Variants in JAKMIP2 observed in about 807,000 individuals in gnomAD.
JAKMIP2 encodes janus kinase and microtubule interacting protein 2, also known as janus kinase and microtubule-interacting protein 2.
Under a neutral mutation model 115.0 loss-of-function variants are expected in JAKMIP2, and 25 were observed. The observed-to-expected ratio is 0.22, with a 90% confidence interval of 0.16 to 0.30. JAKMIP2 has a LOEUF of 0.30. Among genes scored for constraint, JAKMIP2 ranks in the 10% least tolerant of loss-of-function variants. JAKMIP2 has a pLI of 1.00. For synonymous variants in JAKMIP2, 334 were observed against 343.6 expected, an observed-to-expected ratio of 0.97 and a Z score of 0.31; for missense variants, 642 against 957.6, an observed-to-expected ratio of 0.67 and a Z score of 4.35.
chr5:147,779,962 C>A (rs1755698276), intron 1 of JAKMIP2, among the ~76,000 whole-genome samples: 1 of 152,084 alleles, frequency 6.6e-6, no homozygotes, highest in East Asian at 1.9e-4. Flanking sequence ...CTTCATAATT[C>A]CTCATAAAGT....
At chr5:147,777,865 A>T (rs528559939) in intron 1 of JAKMIP2, among the ~76,000 whole-genome samples, 2 of 152,296 alleles carry the variant, frequency 1.3e-5, no homozygotes, top group Admixed American at 1.3e-4. Flanking sequence ...GACACCAGAA[A>T]ATTAGAATAT....
intron 1 of JAKMIP2, among the ~76,000 whole-genome samples, chr5:147,743,999 T>TTTCCTTCCTTCCTTCCTTCCTTCCTTCC (rs542685199): frequency 6.2e-5 from 7 of 112,080 alleles, no homozygotes; most frequent in South Asian, 3.9e-4. Flanking sequence ...TCCTAACTTC[T>TTTCCTTCCTTCCTTCCTTCCTTCCTTCC]TTCCTTCCTT....
chr5:147,593,495 G>C (rs958251833), intron 21 of JAKMIP2, among the ~76,000 whole-genome samples: 5 of 152,228 alleles, frequency 3.3e-5, no homozygotes, highest in African/African-American at 9.6e-5. Context: ...GAGCCTTGAA[G>C]AGGAAGAGAA....
intron 1 of JAKMIP2, among the ~76,000 whole-genome samples, chr5:147,782,132 C>A (rs1180563094): frequency 6.6e-6 from 1 of 152,194 alleles, no homozygotes; most frequent in Admixed American, 6.5e-5. Flanking sequence ...CAATAACACC[C>A]TCTTCTTGTT....
chr5:147,711,142 G>A (rs1752763860), intron 1 of JAKMIP2, among the ~76,000 whole-genome samples: 1 of 152,030 alleles, frequency 6.6e-6, no homozygotes, highest in African/African-American at 2.4e-5. Flanking sequence ...GGACTTAATG[G>A]CAAAAGCAAA....
At chr5:147,724,559 T>C (rs2126952676) in intron 1 of JAKMIP2, among the ~76,000 whole-genome samples, 1 of 152,210 alleles carries the variant, frequency 6.6e-6, no homozygotes, top group East Asian at 1.9e-4. Flanking sequence ...ACCATTATCA[T>C]TTTAATGTAA....
chr5:147,757,532 G>A (rs549864953), intron 1 of JAKMIP2, among the ~76,000 whole-genome samples: 5 of 152,128 alleles, frequency 3.3e-5, no homozygotes, highest in South Asian at 4.1e-4. Context: ...GAGTCTAATC[G>A]TCCTTGGTGA....
intron 8 of JAKMIP2, 141 bp from the exon 9 acceptor site, chr5:147,640,964 T>A: frequency 1.5e-6 from 1 of 650,274 alleles, no homozygotes; most frequent in Non-Finnish European, 2.5e-6. Context: ...ATAAAAACAT[T>A]AGGCATGAGC....
At chr5:147,740,113 G>C (rs143390183) in intron 1 of JAKMIP2, among the ~76,000 whole-genome samples, 4 of 152,268 alleles carry the variant, frequency 2.6e-5, no homozygotes, top group African/African-American at 9.6e-5. Flanking sequence ...ACAAGCAAAT[G>C]GTTTCTTTTT....
In JAKMIP2 at chr5:147,766,633, T is replaced by C. The variant is rs377333080; in HGVS notation, c.-149+15823A>G. Among the ~76,000 whole-genome samples, 24 of 152,306 alleles carry C rather than the reference T, an allele frequency of 1.6e-4. 1 individual carries two copies. In the South Asian group the frequency reaches 5.0e-3, roughly 32 times the overall value. ...GTCAAGGGATTCTCTGTTTATGAGA[T>C]ATTCTTCTGACTCCATATACAACAG... On this transcript the variant is annotated intron_variant, in intron 1 of 21. Transcript: ENST00000616793.
chr5:147,728,555 C>G (rs1438734926), intron 1 of JAKMIP2, among the ~76,000 whole-genome samples: 10 of 152,062 alleles, frequency 6.6e-5, no homozygotes, highest in Non-Finnish European at 1.5e-4. Context: ...CTATTTCTGT[C>G]TGTGTATTTA....
At chr5:147,697,738 A>T (rs922524828) in intron 1 of JAKMIP2, among the ~76,000 whole-genome samples, 1 of 152,228 alleles carries the variant, frequency 6.6e-6, no homozygotes, top group African/African-American at 2.4e-5. Flanking sequence ...GGTGCATAAA[A>T]GTCAAGAATT....
At chr5:147,764,934 G>GAAAGAAAGAAAGAAA (rs1755075743) in intron 1 of JAKMIP2, among the ~76,000 whole-genome samples, 2 of 92,022 alleles carry the variant, frequency 2.2e-5, no homozygotes, top group Admixed American at 1.2e-4. Flanking sequence ...GAGAGAGAGA[G>GAAAGAAAGAAAGAAA]AGAGAGAGAG....
intron 19 of JAKMIP2, among the ~76,000 whole-genome samples, chr5:147,615,444 A>G (rs997429974): frequency 3.3e-5 from 5 of 152,214 alleles, no homozygotes; most frequent in Admixed American, 2.6e-4. Context: ...TGGAGAGGGA[A>G]GTATGCTCTG....
At chr5:147,640,917 T>A in intron 8 of JAKMIP2, 94 bp from the exon 9 acceptor site, 1 of 1,072,348 alleles carries the variant, frequency 9.3e-7, no homozygotes, top group South Asian at 1.6e-5. Flanking sequence ...TGTAAGTGAA[T>A]ATAGAAGACA....
chr5:147,724,478 T>G (rs574892167), intron 1 of JAKMIP2, among the ~76,000 whole-genome samples: 475 of 152,360 alleles, frequency 3.1e-3, no homozygotes, highest in Non-Finnish European at 5.0e-3. Flanking sequence ...ATGTACTTGT[T>G]GTACCCAGCA....
chr5:147,626,123 G>A (rs375288249), intron 16 of JAKMIP2, among the ~76,000 whole-genome samples: 4 of 152,154 alleles, frequency 2.6e-5, no homozygotes, highest in African/African-American at 9.7e-5. Flanking sequence ...CATTGTTGTT[G>A]TTTAGAATTA....
At chr5:147,611,803 T>A (rs1756342082) in intron 20 of JAKMIP2, among the ~76,000 whole-genome samples, 1 of 152,180 alleles carries the variant, frequency 6.6e-6, no homozygotes, top group Admixed American at 6.5e-5. Flanking sequence ...AAACACTGGC[T>A]GACTTGGAAG....
At chr5:147,645,824 C>T (rs1758106812) in intron 5 of JAKMIP2, among the ~76,000 whole-genome samples, 1 of 152,110 alleles carries the variant, frequency 6.6e-6, no homozygotes, top group Non-Finnish European at 1.5e-5. Flanking sequence ...TCAAAAACAT[C>T]AGATATTGCC....
Sources: gnomAD v4.1 joint callset for allele counts (sites outside exome capture counted in the v4.1 genomes callset) on GRCh38, gnomAD v4.1.1 for gene constraint, MANE v1.5 for transcripts, NCBI Gene and HGNC (gene_info 2026-07-23, HGNC 2026-07-21) for gene names.